The following DNAH14 variants were observed in gnomAD, a reference collection of about 807,000 sequenced individuals.
DNAH14 encodes the protein dynein axonemal heavy chain 14.
A neutral mutation model predicts 520.9 loss-of-function variants in DNAH14; 478 were observed. That is an observed-to-expected ratio of 0.92 (90% CI 0.85 to 0.99). The LOEUF is 0.99. DNAH14 is among the 50% of genes least tolerant of loss of function. The pLI is 0.00. For synonymous variants in DNAH14, 1,581 were observed against 1,757.2 expected, an observed-to-expected ratio of 0.90 and a Z score of 2.51; for missense variants, 4,831 against 5,234.5, an observed-to-expected ratio of 0.92 and a Z score of 2.38.
At chr1:225,386,095 T>C (rs1421388255) in intron 81 of DNAH14, among the ~76,000 whole-genome samples, 1 of 152,140 alleles carries the variant, frequency 6.6e-6, no homozygotes, top group Non-Finnish European at 1.5e-5. Flanking sequence ...AACCATCTGA[T>C]CTTTGAGAAA....
rs2065887707 is a variant in DNAH14 at position 225,023,706 on chromosome 1, T to C, written c.1199T>C (p.Leu400Ser). The C allele has an allele frequency of 1.3e-6, 2 of 1,550,886 alleles. No homozygotes were observed. The highest frequency in any genetic ancestry group is 1.7e-6 in the Non-Finnish European group (2 of 1,146,514). Residue 400 changes from leucine (L) to serine (S), a missense_variant, in exon 11 of 86, where the codon TTA becomes TCA. By Grantham distance (145) the Leu-to-Ser change is moderately radical. Coordinates refer to ENST00000682510, the MANE Select transcript of DNAH14 (RefSeq NM_001367479.1). ...TTCAAGCTGCCTAAATATAGACGTT[T>C]ATTAGAAACATTTTTCAAGTTTGTA... ...THFKLPKYRR[L>S]LETFFKFVML...
At chr1:225,199,706 G>A (rs773262684) in intron 38 of DNAH14, among the ~76,000 whole-genome samples, 7 of 152,132 alleles carry the variant, frequency 4.6e-5, no homozygotes, top group Non-Finnish European at 8.8e-5. Context: ...GAGAGTGCTT[G>A]ATATAATTTC....
chr1:225,141,523 A>G (rs2079465689), intron 28 of DNAH14, among the ~76,000 whole-genome samples: 1 of 152,078 alleles, frequency 6.6e-6, no homozygotes, highest in South Asian at 2.1e-4. Flanking sequence ...AGATAAGGGG[A>G]CATTACTGCA....
At position 225,388,401 on chromosome 1, in the gene DNAH14, A is replaced by G; in HGVS notation, c.13100A>G (p.Lys4367Arg). The change falls in exon 82 of 86, where the codon AAG (lysine) becomes AGG (arginine). Residue 4367 changes from lysine (K) to arginine (R), a missense_variant. Coordinates refer to ENST00000682510, the MANE Select transcript of DNAH14 (RefSeq NM_001367479.1). ...LWQKHAYRSCKPLSSWIDDLI... is the reference protein window; with the variant it reads ...LWQKHAYRSCRPLSSWIDDLI... ...CAGAAACACGCCTACAGATCTTGTAAGCCACTGAGTTCCTGGATTGATGAT... is the reference window on the plus strand; with the variant it reads ...CAGAAACACGCCTACAGATCTTGTAGGCCACTGAGTTCCTGGATTGATGAT... 6.6e-7 allele frequency: 1 copy of G among 1,525,778 alleles called. No individual in the cohort carries two copies. The highest frequency in any genetic ancestry group is 8.9e-7 in the Non-Finnish European group (1 of 1,126,520). 94.5% of individuals were successfully genotyped at this position (1,525,778 alleles called of 1,614,324 possible).
rs2063869915 is a variant in DNAH14, at chr1:225,002,932, G to A, written c.975+5G>A. ...TCTGCCATATGCCTTGTAAAGGTGAGTAGAAGTATACTACTATAAGCTAAT... is the reference window on the plus strand; with the variant it reads ...TCTGCCATATGCCTTGTAAAGGTGAATAGAAGTATACTACTATAAGCTAAT... On this transcript the variant is annotated splice_donor_5th_base_variant and intron_variant, in intron 9 of 85. Coordinates refer to ENST00000682510, the MANE Select transcript of DNAH14 (RefSeq NM_001367479.1). 6.5e-7 allele frequency: 1 copy of A among 1,540,446 alleles called. No homozygotes were observed. Among genetic ancestry groups the A allele is most frequent in the East Asian group, 2.5e-5 (1 of 40,660 alleles).
chr1:225,016,950 T>G (rs1351781182), intron 10 of DNAH14, among the ~76,000 whole-genome samples: 1 of 152,106 alleles, frequency 6.6e-6, no homozygotes, highest in Non-Finnish European at 1.5e-5. Flanking sequence ...TGAATTGTTT[T>G]CCTGGTCTCA....
At position 225,328,944 on chromosome 1, in the gene DNAH14, C is replaced by CAT. The variant is rs572476709; in HGVS notation, c.9724-2485_9724-2484dup. Among the ~76,000 whole-genome samples the CAT allele has an allele frequency of 4.3e-3, 658 of 152,126 alleles. 2 individuals are homozygous for CAT. The highest frequency in any genetic ancestry group is 0.014 in the African/African-American group (597 of 41,500). On this transcript the variant is annotated intron_variant, in intron 64 of 85. Transcript: ENST00000682510. ...AAATCATTAAACATGCCAAAAGTAA[C>CAT]ATATATATACACATATAAATTAGGT...
intron 15 of DNAH14, among the ~76,000 whole-genome samples, chr1:225,049,086 G>A (rs2068249608): frequency 2.2e-5 from 2 of 91,650 alleles, no homozygotes; most frequent in African/African-American, 4.5e-5. Context: ...TTGAGATGGA[G>A]TCTTGCTCTA....
intron 41 of DNAH14, among the ~76,000 whole-genome samples, chr1:225,215,468 C>A (rs1282257488): frequency 6.6e-6 from 1 of 152,082 alleles, no homozygotes; most frequent in Non-Finnish European, 1.5e-5. Flanking sequence ...TCTTTGTTAA[C>A]TTTCTGTCTC....
intron 21 of DNAH14, among the ~76,000 whole-genome samples, chr1:225,096,461 C>T (rs912219947): frequency 2.0e-5 from 3 of 152,034 alleles, no homozygotes; most frequent in Admixed American, 2.0e-4. Context: ...ATGGACAAGT[C>T]CACTGGTTTC....
rs528646202 is a variant in DNAH14, at chr1:225,060,531, A to G, written c.2424+8736A>G. 2.0e-5 allele frequency among the ~76,000 whole-genome samples: 3 copies of G among 152,226 alleles called. No homozygotes were observed. In the East Asian group the frequency reaches 5.8e-4, roughly 29 times the overall value. On this transcript the variant is annotated intron_variant, in intron 17 of 85. Transcript: ENST00000682510. ...TCTCAACTCGTCAAAGTCATTCTCC[A>G]TCCAGCTTTGTTCGGTTGCTGGTGA...
In DNAH14 at chr1:225,257,944, T is replaced by A. The variant is rs562503561; in HGVS notation, c.6866-16T>A. On this transcript the variant is annotated splice_polypyrimidine_tract_variant and intron_variant, in intron 44 of 85. Transcript: ENST00000682510. Reference sequence around the variant, plus strand: ...TTTCTAGGTCATTTGAAACTTTTTTTAAAATGTTAACTTAGGAACTTCATT... The same window carrying A: ...TTTCTAGGTCATTTGAAACTTTTTTAAAAATGTTAACTTAGGAACTTCATT... 10 of 1,534,446 alleles carry A rather than the reference T, an allele frequency of 6.5e-6. No individual in the cohort carries two copies. The highest frequency in any genetic ancestry group is 6.2e-5 in the South Asian group (5 of 80,880).
At chr1:225,318,554 G>A in intron 60 of DNAH14, 29 bp from the exon 61 acceptor site, 1 of 1,513,158 alleles carries the variant, frequency 6.6e-7, no homozygotes, top group Non-Finnish European at 8.9e-7. Flanking sequence ...TGATTCATAT[G>A]TGTTTGGGGA....
chr1:225,286,823 C>T (rs1272264633), intron 54 of DNAH14, among the ~76,000 whole-genome samples: 2 of 152,136 alleles, frequency 1.3e-5, no homozygotes, highest in Non-Finnish European at 2.9e-5. Flanking sequence ...CTGGAAGCAA[C>T]CAAGATTCCT....
chr1:225,284,887 A>G (rs2093700856), intron 54 of DNAH14, among the ~76,000 whole-genome samples: 1 of 152,166 alleles, frequency 6.6e-6, no homozygotes, highest in Non-Finnish European at 1.5e-5. Flanking sequence ...AGCAAAAACC[A>G]CACAATAATC....
Position 225,192,816 on chromosome 1 carries a change from GCAACAATT to G in DNAH14, c.5793_5800del (p.Thr1932LysfsTer6), listed in dbSNP as rs1486326255. ...GGAATGGACTGATGGATTATTATCA[GCAACAATT>G]CGAAGTTATGTATATTTTAACACAC... On this transcript the variant is annotated frameshift_variant, in exon 38 of 86. Transcript: ENST00000682510. LOFTEE classifies it high-confidence loss of function. 1 of 1,550,038 alleles carries G rather than the reference GCAACAATT, an allele frequency of 6.5e-7. No individual in the cohort carries two copies. The highest frequency in any genetic ancestry group is 8.7e-7 in the Non-Finnish European group (1 of 1,146,030).
chr1:225,013,811 A>G (rs1043264825), intron 10 of DNAH14, among the ~76,000 whole-genome samples: 1 of 152,112 alleles, frequency 6.6e-6, no homozygotes, highest in African/African-American at 2.4e-5. Context: ...TTCCCCACCA[A>G]GCTTGAGCAT....
In DNAH14 at chr1:225,204,229, T is replaced by G. The variant is rs1268155224; in HGVS notation, c.5933T>G (p.Ile1978Ser). 6.7e-7 allele frequency: 1 copy of G among 1,492,278 alleles called. No homozygotes were observed. 92.4% of individuals were successfully genotyped at this position (1,492,278 alleles called of 1,614,324 possible). A position where few individuals can be genotyped will look rare whatever the true frequency, so the allele number is the denominator to read the frequency against. The part of the protein sequence containing the change: ...SSDTTETDDN[I>S]FEEIEKVVKI... ...GATACAACAGAGACTGATGATAATA[T>G]TTTTGAGGAGATAGAGAAAGTTGTT... Residue 1978 changes from isoleucine (I) to serine (S), a missense_variant, in exon 39 of 86, where the codon ATT becomes AGT. By Grantham distance (142) the Ile-to-Ser change is moderately radical. Transcript: ENST00000682510.
At chr1:225,357,315 TAA>T (rs537481703) in intron 73 of DNAH14, among the ~76,000 whole-genome samples, 7,511 of 144,158 alleles carry the variant, frequency 0.052, 602 homozygotes, top group African/African-American at 0.18. Flanking sequence ...CTCCTACCTC[TAA>T]AAAAAAAAAA....
Sources: gnomAD v4.1 joint callset for allele counts (sites outside exome capture counted in the v4.1 genomes callset) on GRCh38, gnomAD v4.1.1 for gene constraint, MANE v1.5 for transcripts, NCBI Gene and HGNC (gene_info 2026-07-23, HGNC 2026-07-21) for gene names.